Variants in RGMB observed in about 807,000 individuals in gnomAD.
The protein encoded by RGMB is repulsive guidance molecule B.
RGMB carries 16 observed loss-of-function variants against 26.9 expected under a neutral mutation model. That is an observed-to-expected ratio of 0.60 (90% CI 0.40 to 0.90). RGMB has a LOEUF of 0.90. Among genes scored for constraint, RGMB ranks in the 40% least tolerant of loss-of-function variants. RGMB has a pLI of 0.00. For synonymous variants in RGMB, 225 were observed against 229.3 expected, an observed-to-expected ratio of 0.98 and a Z score of 0.17; for missense variants, 512 against 573.3, an observed-to-expected ratio of 0.89 and a Z score of 1.09.
In RGMB at chr5:98,783,063, C is replaced by T. The variant is rs543024426; in HGVS notation, c.645+2975C>T. 2.0e-5 allele frequency among the ~76,000 whole-genome samples: 3 copies of T among 152,326 alleles called. No individual in the cohort carries two copies. In the South Asian group the frequency reaches 6.2e-4, roughly 32 times the overall value. The stretch of plus-strand genomic sequence containing the variant: ...CTTCCCCACCATGGCCCTCTCCTCC[C>T]CTTCCTTGGGAAAGGTAGGGTTTGT... On this transcript the variant is annotated intron_variant, in intron 2 of 2. Coordinates refer to ENST00000513185, the MANE Select transcript of RGMB (RefSeq NM_001366508.1).
intron 2 of RGMB, among the ~76,000 whole-genome samples, chr5:98,787,146 T>A (rs1306524270): frequency 6.6e-6 from 1 of 152,200 alleles, no homozygotes; most frequent in Non-Finnish European, 1.5e-5. Context: ...AGATATTGTT[T>A]TGTAGGATTT....
upstream of RGMB, chr5:98,769,891 C>T (rs569985225): frequency 6.5e-6 from 1 of 152,838 alleles, no homozygotes; most frequent in East Asian, 1.9e-4. Context: ...GCCCTCCAGC[C>T]TCCCATCAAC....
At chr5:98,789,482 T>G (rs368168553) in intron 2 of RGMB, among the ~76,000 whole-genome samples, 16,988 of 152,178 alleles carry the variant, frequency 0.11, 1,133 homozygotes, top group Middle Eastern at 0.21. Context: ...TAATATGTTT[T>G]TTTTTTTTCT....
intron 2 of RGMB, among the ~76,000 whole-genome samples, chr5:98,783,102 A>G (rs963497955): frequency 6.6e-6 from 1 of 152,028 alleles, no homozygotes; most frequent in African/African-American, 2.4e-5. Flanking sequence ...CCTGTTGGTC[A>G]TGGTGTGCAC....
chr5:98,770,804 A>C (rs1580261168), upstream of RGMB: 3 of 532,066 alleles, frequency 5.6e-6, no homozygotes, highest in East Asian at 7.0e-5. Flanking sequence ...TTGCTCTGAA[A>C]AAAAAAATGA....
At chr5:98,774,271 A>C in intron 1 of RGMB, 65 bp downstream of exon 1, 1 of 1,328,426 alleles carries the variant, frequency 7.5e-7, no homozygotes. Flanking sequence ...AAATAGCCCC[A>C]GGTCTCGAAG....
upstream of RGMB, among the ~76,000 whole-genome samples, chr5:98,771,979 A>G (rs566382434): frequency 6.6e-6 from 1 of 152,346 alleles, no homozygotes; most frequent in African/African-American, 2.4e-5. Flanking sequence ...TACTTTGAAA[A>G]TCAGTATTAT....
rs1337604926 is a variant in RGMB, at chr5:98,793,424, G to A, written c.985G>A (p.Val329Met). The change falls in exon 3 of 3, where the codon GTG becomes ATG. Residue 329 changes from valine to methionine, a missense_variant. Coordinates refer to ENST00000513185, the MANE Select transcript of RGMB (RefSeq NM_001366508.1). ...SERIDDGQGQ[V>M]SAILGHSLPR... ...ACGCATCGATGACGGGCAGGGCCAGGTGTCTGCCATCCTGGGACACAGCCT... is the reference window on the plus strand; with the variant it reads ...ACGCATCGATGACGGGCAGGGCCAGATGTCTGCCATCCTGGGACACAGCCT... 1.2e-6 allele frequency: 2 copies of A among 1,612,244 alleles called. No homozygotes were observed. The highest frequency in any genetic ancestry group is 1.7e-6 in the Non-Finnish European group (2 of 1,179,324).
upstream of RGMB, chr5:98,770,633 C>T: frequency 9.9e-6 from 14 of 1,408,244 alleles, no homozygotes; most frequent in African/African-American, 1.5e-5. Flanking sequence ...GCCCCCTGAT[C>T]CCGCTGAGCC....
At position 98,773,786 on chromosome 5, in the gene RGMB, A is replaced by G. The variant is rs1390009947; in HGVS notation, c.-285A>G. The G allele has an allele frequency of 9.6e-6, 4 of 418,548 alleles. No individual in the cohort carries two copies. Among genetic ancestry groups the G allele is most frequent in the African/African-American group, 8.4e-5 (4 of 47,876 alleles). 25.9% of individuals were successfully genotyped at this position (418,548 alleles called of 1,614,324 possible). A position where few individuals can be genotyped will look rare whatever the true frequency, so the allele number is the denominator to read the frequency against. ...CGGCGCGCTCGGGACTCGTCTCAGC[A>G]GTCGCTCACGGTCTTTGTGTCTTCT... On this transcript the variant is annotated 5_prime_UTR_variant, in exon 1 of 3. Transcript: ENST00000513185.
chr5:98,795,956 AT>A lies in RGMB; in HGVS notation c.*2206del. 6.6e-6 allele frequency: 1 copy of A among 152,322 alleles called. No homozygotes were observed. 9.4% of individuals were successfully genotyped at this position (152,322 alleles called of 1,614,324 possible). On this transcript the variant is annotated 3_prime_UTR_variant, in exon 3 of 3. Coordinates refer to ENST00000513185, the MANE Select transcript of RGMB (RefSeq NM_001366508.1). ...GAAGATTGGGTTATTTTGCCATATC[AT>A]TTAGCTGGAAGTGACATTTAAAAGC...
chr5:98,778,472 G>T (rs967176468), intron 1 of RGMB, among the ~76,000 whole-genome samples: 1 of 152,110 alleles, frequency 6.6e-6, no homozygotes, highest in African/African-American at 2.4e-5. Flanking sequence ...CATTTAAAGA[G>T]ATTAAGAGAC....
At chr5:98,779,331 C>G (rs1047109374) in intron 1 of RGMB, among the ~76,000 whole-genome samples, 2 of 152,198 alleles carry the variant, frequency 1.3e-5, no homozygotes, top group Non-Finnish European at 2.9e-5. Context: ...GGACTAGACT[C>G]ATGTTCACTC....
intron 2 of RGMB, among the ~76,000 whole-genome samples, chr5:98,790,404 A>G (rs1746892924): frequency 2.0e-5 from 3 of 152,222 alleles, no homozygotes; most frequent in Admixed American, 6.5e-5. Flanking sequence ...TAAATTGGAA[A>G]GACAAATCTT....
At chr5:98,777,399 G>A (rs1746450235) in intron 1 of RGMB, among the ~76,000 whole-genome samples, 1 of 151,948 alleles carries the variant, frequency 6.6e-6, no homozygotes, top group African/African-American at 2.4e-5. Context: ...CTTGCTTTCT[G>A]TGTATCTGAT....
chr5:98,776,448 C>G, intron 1 of RGMB, among the ~76,000 whole-genome samples: 1 of 152,218 alleles, frequency 6.6e-6, no homozygotes, highest in East Asian at 1.9e-4. Flanking sequence ...TCATACACTT[C>G]ATGGCCTTCT....
rs1330936837 is a variant in RGMB, at chr5:98,796,458, A to G, written c.*2705A>G. On this transcript the variant is annotated 3_prime_UTR_variant, in exon 3 of 3. Transcript: ENST00000513185. The stretch of plus-strand genomic sequence containing the variant: ...CAGTGTGTAAATACTTTAAATTATT[A>G]TGCTAGAAAAATAAAGTTACATACC... 6.6e-6 allele frequency: 1 copy of G among 151,268 alleles called. No individual in the cohort carries two copies. Among genetic ancestry groups the G allele is most frequent in the Admixed American group, 6.6e-5 (1 of 15,078 alleles). The allele number at this position is 151,268 out of a possible 1,614,324, so 9.4% of individuals were successfully genotyped here.
At position 98,774,222 on chromosome 5, in the gene RGMB, G is replaced by C. The variant is rs895961157; in HGVS notation, c.136+16G>C. ...CTCCACGCAGGTAGGACGGGAGCGC[G>C]CGAGGGGAGCCAGCCCCGGGGCCTA... On this transcript the variant is annotated intron_variant, in intron 1 of 2. Transcript: ENST00000513185. The C allele has an allele frequency of 6.4e-6, 9 of 1,407,486 alleles. No homozygotes were observed. The African/African-American group carries it at 1.1e-4, about 17-fold the overall frequency. The allele number at this position is 1,407,486 out of a possible 1,614,324, so 87.2% of individuals were successfully genotyped here. A position where few individuals can be genotyped will look rare whatever the true frequency, so the allele number is the denominator to read the frequency against.
chr5:98,780,026 C>G lies in RGMB; in HGVS notation c.583C>G (p.Leu195Val). The change falls in exon 2 of 3, where the codon CTT becomes GTT. Residue 195 changes from leucine (L) to valine (V), a missense_variant. By Grantham distance (32) the Leu-to-Val change is conservative. Transcript: ENST00000513185. The part of the protein sequence containing the change: ...GAWPLIDNNY[L>V]SVQVTNVPVV... ...CTGGCCACTCATAGATAATAATTAT[C>G]TTTCAGTTCAAGTGACAAACGTACC... 1.9e-6 allele frequency: 3 copies of G among 1,613,840 alleles called. No individual in the cohort carries two copies.
Sources: gnomAD v4.1 joint callset for allele counts (sites outside exome capture counted in the v4.1 genomes callset) on GRCh38, gnomAD v4.1.1 for gene constraint, MANE v1.5 for transcripts, NCBI Gene and HGNC (gene_info 2026-07-23, HGNC 2026-07-21) for gene names.